TUT4: variants seen among roughly 807,000 people sequenced by gnomAD.
TUT4 encodes terminal uridylyl transferase 4, also known as terminal uridylyltransferase 4.
A neutral mutation model predicts 192.2 loss-of-function variants in TUT4; 36 were observed. The observed-to-expected ratio is 0.19, with a 90% confidence interval of 0.14 to 0.25. TUT4 has a LOEUF of 0.25. Ranked by LOEUF, TUT4 falls within the 10% of genes least tolerant of loss-of-function variation. The probability of loss-of-function intolerance (pLI) is 1.00; values close to 1 mark genes in which losing one functional copy is unlikely to be tolerated. For missense variants in TUT4, 1,493 were observed against 1,957.2 expected, an observed-to-expected ratio of 0.76 and a Z score of 4.47; for synonymous variants, 618 against 666.0, an observed-to-expected ratio of 0.93 and a Z score of 1.11.
At chr1:52,488,777 G>T in intron 9 of TUT4, 132 bp downstream of exon 9, 3 of 974,338 alleles carry the variant, frequency 3.1e-6, no homozygotes, top group African/African-American at 1.7e-5. Context: ...TTTCTGTCTA[G>T]CACAGAAAAC....
intron 13 of TUT4, among the ~76,000 whole-genome samples, chr1:52,473,793 T>C (rs183593643): frequency 1.3e-3 from 191 of 152,362 alleles, no homozygotes; most frequent in African/African-American, 4.2e-3. Context: ...TTATCTGGAA[T>C]GCACTTGAAG....
intron 8 of TUT4, 30 bp from the exon 9 acceptor site, chr1:52,489,065 G>T (rs1319408978): frequency 1.3e-6 from 2 of 1,592,226 alleles, no homozygotes; most frequent in South Asian, 2.3e-5. Context: ...AAATTTCATT[G>T]TATTAATACC....
At chr1:52,467,486 A>G (rs1664542984) in intron 15 of TUT4, among the ~76,000 whole-genome samples, 1 of 152,162 alleles carries the variant, frequency 6.6e-6, no homozygotes. Context: ...CCTTCAAAAT[A>G]TATCCCAAAT....
chr1:52,475,254 T>C lies in TUT4; in HGVS notation c.2305A>G (p.Met769Val), dbSNP rs915784398. 2 of 1,614,168 alleles carry C rather than the reference T, an allele frequency of 1.2e-6. No homozygotes were observed. The highest frequency in any genetic ancestry group is 1.3e-5 in the African/African-American group (1 of 75,056). The stretch of plus-strand genomic sequence containing the variant: ...ATACATCTCTGTGATGTACAGTCCA[T>C]TTCATCACATTGAACAGGTTGCTCT... ...EREQPVQCDE[M>V]DCTSQRCIID... Residue 769 changes from methionine to valine, a missense_variant, in exon 13 of 30, where the codon ATG becomes GTG. Transcript: ENST00000257177.
At chr1:52,508,157 C>T (rs1676127989) in intron 4 of TUT4, among the ~76,000 whole-genome samples, 1 of 151,702 alleles carries the variant, frequency 6.6e-6, no homozygotes, top group Non-Finnish European at 1.5e-5. Flanking sequence ...CCAGGTGAAA[C>T]CCCGTCTCTA....
intron 20 of TUT4, among the ~76,000 whole-genome samples, chr1:52,448,674 G>A (rs1334596239): frequency 1.3e-5 from 2 of 148,792 alleles, no homozygotes; most frequent in Non-Finnish European, 3.0e-5. Flanking sequence ...CCTCAAGAAA[G>A]AAGTGAAGAT....
rs780568561 is a variant in TUT4, at chr1:52,525,642, C to G, written c.639G>C (p.Gln213His). ...KCALQNSPRSQKQQTCTDNTG... is the reference protein window; with the variant it reads ...KCALQNSPRSHKQQTCTDNTG... ...TATTATCTGTACATGTCTGTTGCTT[C>G]TGAGATCGTGGTGAGTTTTGCAGAG... The change falls in exon 2 of 30, where the codon CAG (glutamine) becomes CAC (histidine). Residue 213 changes from glutamine (Q) to histidine (H), a missense_variant. By Grantham distance (24) the Gln-to-His change is conservative. This residue lies in a region of TUT4 where 260 missense variants were observed against 247.8 expected (regional missense o/e 1.05). Coordinates refer to ENST00000257177, the MANE Select transcript of TUT4 (RefSeq NM_001009881.3). The G allele has an allele frequency of 6.2e-7, 1 of 1,614,190 alleles. No individual in the cohort carries two copies. The highest frequency in any genetic ancestry group is 2.2e-5 in the East Asian group (1 of 44,878).
chr1:52,493,765 T>C lies in TUT4; in HGVS notation c.1267-103A>G, dbSNP rs1251779850. The C allele has an allele frequency of 6.8e-6, 5 of 738,340 alleles. No individual in the cohort carries two copies. The East Asian group carries it at 1.4e-4, about 21-fold the overall frequency. The allele number at this position is 738,340 out of a possible 1,614,324, so 45.7% of individuals were successfully genotyped here. On this transcript the variant is annotated intron_variant, in intron 6 of 29. Coordinates refer to ENST00000257177, the MANE Select transcript of TUT4 (RefSeq NM_001009881.3). ...ATTAAAGAATAACATTTAAATATAA[T>C]CATGCTTTGTGTTTTAAATAGTGAA...
At chr1:52,495,302 A>C (rs1672174554) in intron 6 of TUT4, 125 bp downstream of exon 6, 1 of 481,026 alleles carries the variant, frequency 2.1e-6, no homozygotes, top group South Asian at 6.0e-5. Flanking sequence ...AGCACTGTTT[A>C]GTCACGATGG....
chr1:52,452,972 G>A (rs539035033), intron 20 of TUT4, among the ~76,000 whole-genome samples: 3 of 152,306 alleles, frequency 2.0e-5, no homozygotes, highest in Non-Finnish European at 2.9e-5. Context: ...TTGAATTGGA[G>A]GACACCATGG....
chr1:52,538,819 T>C (rs912983349), intron 1 of TUT4, among the ~76,000 whole-genome samples: 1 of 152,198 alleles, frequency 6.6e-6, no homozygotes, highest in Non-Finnish European at 1.5e-5. Context: ...GATAGTGCAA[T>C]TCATATCTCC....
intron 1 of TUT4, among the ~76,000 whole-genome samples, chr1:52,529,080 T>C (rs1285149852): frequency 1.3e-5 from 2 of 152,158 alleles, no homozygotes; most frequent in African/African-American, 2.4e-5. Context: ...ATACTGTCTT[T>C]TACTTTAAAA....
chr1:52,478,104 T>C (rs1397787047), intron 11 of TUT4, among the ~76,000 whole-genome samples: 1 of 152,136 alleles, frequency 6.6e-6, no homozygotes, highest in African/African-American at 2.4e-5. Context: ...ATTCTCAACC[T>C]TGGCTGCACA....
chr1:52,441,350 C>A (rs563221219), intron 24 of TUT4, among the ~76,000 whole-genome samples: 149 of 145,630 alleles, frequency 1.0e-3, no homozygotes, highest in African/African-American at 3.7e-3. Flanking sequence ...GTGCTGCAAT[C>A]TCAGCTCAAT....
At chr1:52,432,562 A>G (rs547468140) in intron 27 of TUT4, 1 of 152,364 alleles carries the variant, frequency 6.6e-6, no homozygotes, top group South Asian at 2.1e-4. Context: ...GGTATGGAAC[A>G]TGATCAATCT....
Position 52,506,065 on chromosome 1 carries a change from TCCTCAG to T in TUT4, c.999+3525_999+3530del, listed in dbSNP as rs547442974. Among the ~76,000 whole-genome samples the T allele has an allele frequency of 1.5e-3, 226 of 151,256 alleles. 2 individuals carry two copies. Among genetic ancestry groups the T allele is most frequent in the African/African-American group, 5.0e-3 (206 of 41,218 alleles). On this transcript the variant is annotated intron_variant, in intron 4 of 29. Transcript: ENST00000257177. ...ACTCCTAACCTCAGGTGATCCGCCC[TCCTCAG>T]CCTCCCAAAGTGCTAGGATTACAGG...
chr1:52,525,446 G>T, intron 2 of TUT4, 117 bp downstream of exon 2: 1 of 1,308,956 alleles, frequency 7.6e-7, no homozygotes, highest in Non-Finnish European at 1.0e-6. Context: ...GTTTTCATAC[G>T]GGAACAAAAG....
chr1:52,446,152 GA>G, intron 22 of TUT4, 112 bp downstream of exon 22: 2 of 1,354,124 alleles, frequency 1.5e-6, no homozygotes, highest in Non-Finnish European at 2.0e-6. Context: ...ATTAAAGGAG[GA>G]AAACTGATAA....
intron 4 of TUT4, 60 bp downstream of exon 4, chr1:52,509,535 AT>A (rs1676531152): frequency 1.6e-5 from 15 of 967,170 alleles, no homozygotes; most frequent in Middle Eastern, 5.9e-4. Context: ...CAAATAAAAA[AT>A]ATTCAATATG....
Sources: gnomAD v4.1 joint callset for allele counts (sites outside exome capture counted in the v4.1 genomes callset) on GRCh38, gnomAD v4.1.1 for gene constraint, gnomAD v4.1.1 regional missense constraint, MANE v1.5 for transcripts, NCBI Gene and HGNC (gene_info 2026-07-23, HGNC 2026-07-21) for gene names.